Variants in DENND1B observed in about 807,000 individuals in gnomAD.
The protein encoded by DENND1B is DENN domain-containing protein 1B.
A neutral mutation model predicts 90.1 loss-of-function variants in DENND1B; 59 were observed. The observed-to-expected ratio is 0.65, with a 90% CI of 0.53 to 0.81. DENND1B has a LOEUF of 0.81. Ranked by LOEUF, DENND1B falls within the 40% of genes least tolerant of loss-of-function variation. The pLI is 0.00. For missense variants in DENND1B, 862 were observed against 912.6 expected, an observed-to-expected ratio of 0.94 and a Z score of 0.71; for synonymous variants, 337 against 324.6, an observed-to-expected ratio of 1.04 and a Z score of -0.41.
At chr1:197,580,028 C>T (rs570238812) in intron 15 of DENND1B, among the ~76,000 whole-genome samples, 1 of 150,030 alleles carries the variant, frequency 6.7e-6, no homozygotes, top group Admixed American at 6.6e-5. Flanking sequence ...TTTCTGCTAG[C>T]TCTCATTTAT....
intron 15 of DENND1B, among the ~76,000 whole-genome samples, chr1:197,573,313 G>A (rs1435198398): frequency 6.6e-6 from 1 of 151,968 alleles, no homozygotes; most frequent in Non-Finnish European, 1.5e-5. Context: ...TGCTTTGAAT[G>A]TGTCCCAGAG....
intron 21 of DENND1B, among the ~76,000 whole-genome samples, chr1:197,512,485 A>C (rs568866648): frequency 7.8e-4 from 119 of 151,824 alleles, no homozygotes; most frequent in Non-Finnish European, 1.5e-3. Flanking sequence ...ATCTTCTGAT[A>C]TCACCATAGA....
At chr1:197,631,192 C>G (rs1679291986) in intron 10 of DENND1B, among the ~76,000 whole-genome samples, 1 of 152,086 alleles carries the variant, frequency 6.6e-6, no homozygotes, top group Non-Finnish European at 1.5e-5. Flanking sequence ...TATCTAAACT[C>G]TACATTCTGG....
chr1:197,738,758 C>T (rs1352288512), intron 2 of DENND1B, among the ~76,000 whole-genome samples: 1 of 152,172 alleles, frequency 6.6e-6, no homozygotes, highest in African/African-American at 2.4e-5. Flanking sequence ...TCTCTAACAA[C>T]TAAAAATCTA....
chr1:197,694,511 C>T (rs954661145), intron 3 of DENND1B, among the ~76,000 whole-genome samples: 3 of 151,180 alleles, frequency 2.0e-5, no homozygotes, highest in South Asian at 2.1e-4. Flanking sequence ...TTTTTTCTCC[C>T]GACTTCAGGA....
rs577966380 is a variant in DENND1B at position 197,662,570 on chromosome 1, T to TA, written c.297-4202dup. On this transcript the variant is annotated intron_variant, in intron 5 of 22. Transcript: ENST00000620048. ...GTATTTCTATATAGCGAGCCTTTTT[T>TA]AAAAAATATATACTTTAAGTTCTAG... Among the ~76,000 whole-genome samples, 314 of 152,098 alleles carry TA rather than the reference T, an allele frequency of 2.1e-3. 1 individual carries two copies. Among genetic ancestry groups the TA allele is most frequent in the African/African-American group, 7.4e-3 (307 of 41,516 alleles).
chr1:197,747,472 G>A (rs578157327), intron 2 of DENND1B: 16 of 287,246 alleles, frequency 5.6e-5, no homozygotes, highest in South Asian at 4.3e-4. Context: ...GTCAGGAAGC[G>A]GTCACCTGGC....
chr1:197,655,421 C>T (rs1048334031), intron 6 of DENND1B, among the ~76,000 whole-genome samples: 2 of 152,148 alleles, frequency 1.3e-5, no homozygotes, highest in Non-Finnish European at 2.9e-5. Context: ...AGTGTAAATG[C>T]TCTTGAAACC....
intron 15 of DENND1B, among the ~76,000 whole-genome samples, chr1:197,572,661 G>C (rs571513722): frequency 3.3e-5 from 5 of 152,264 alleles, no homozygotes; most frequent in African/African-American, 1.2e-4. Flanking sequence ...CTCCCAGTAG[G>C]GGCTAACAGA....
chr1:197,768,152 TTCCTCCTCCTCCTCTTCGTCG>T (rs540003757), intron 2 of DENND1B, among the ~76,000 whole-genome samples: 157 of 151,442 alleles, frequency 1.0e-3, no homozygotes, highest in African/African-American at 3.8e-3. Context: ...CCACCTCCTT[TTCCTCCTCCTCCTCTTCGTCG>T]TCCTCCTCCT....
chr1:197,720,051 G>A (rs535805234), intron 2 of DENND1B, among the ~76,000 whole-genome samples: 75 of 152,194 alleles, frequency 4.9e-4, no homozygotes, highest in Non-Finnish European at 8.1e-4. Flanking sequence ...CAATTTCCTT[G>A]TCTCTTTCTC....
At chr1:197,552,673 T>C (rs987972954) in intron 16 of DENND1B, 55 of 1,043,184 alleles carry the variant, frequency 5.3e-5, no homozygotes, top group Non-Finnish European at 6.3e-5. Flanking sequence ...TCATACTCAG[T>C]AATAACCATC....
At position 197,509,163 on chromosome 1, in the gene DENND1B, C is replaced by T. The variant is rs904793235; in HGVS notation, c.*1297G>A. On this transcript the variant is annotated 3_prime_UTR_variant, in exon 23 of 23. Coordinates refer to ENST00000620048, the MANE Select transcript of DENND1B (RefSeq NM_001195215.2). ...TGGCACTTTACTTCTGTGATCATCT[C>T]CTCAAAACCCACAATCCCAGTCTAA... The T allele has an allele frequency of 1.3e-5, 2 of 151,672 alleles. No individual in the cohort carries two copies. The highest frequency in any genetic ancestry group is 2.9e-5 in the Non-Finnish European group (2 of 67,818). 9.4% of individuals were successfully genotyped at this position (151,672 alleles called of 1,614,324 possible). A position where few individuals can be genotyped will look rare whatever the true frequency, so the allele number is the denominator to read the frequency against.
chr1:197,620,677 C>T (rs1476833701), intron 10 of DENND1B, among the ~76,000 whole-genome samples: 2 of 151,268 alleles, frequency 1.3e-5, no homozygotes, highest in South Asian at 2.1e-4. Flanking sequence ...AATTATGCAA[C>T]TGAAAATATT....
At chr1:197,577,436 G>A (rs1323413630) in intron 15 of DENND1B, among the ~76,000 whole-genome samples, 1 of 152,164 alleles carries the variant, frequency 6.6e-6, no homozygotes, top group Non-Finnish European at 1.5e-5. Context: ...CACTCTGTTG[G>A]ATAGAAAAGT....
intron 10 of DENND1B, among the ~76,000 whole-genome samples, chr1:197,628,836 A>T (rs1272282198): frequency 6.6e-6 from 1 of 152,002 alleles, no homozygotes; most frequent in Non-Finnish European, 1.5e-5. Context: ...ACAAGAAAAA[A>T]ACAAACAACC....
chr1:197,761,925 T>G (rs1571658747), intron 2 of DENND1B: 1 of 151,344 alleles, frequency 6.6e-6, no homozygotes, highest in East Asian at 1.9e-4. Context: ...AAAAAAAAAG[T>G]TTTTTTTAAA....
intron 15 of DENND1B, among the ~76,000 whole-genome samples, chr1:197,557,186 T>G (rs1202718567): frequency 6.6e-6 from 1 of 152,008 alleles, no homozygotes; most frequent in Non-Finnish European, 1.5e-5. Flanking sequence ...TAACACAGTA[T>G]TATAAATCAA....
At chr1:197,589,893 C>T (rs1675035404) in intron 14 of DENND1B, among the ~76,000 whole-genome samples, 1 of 152,154 alleles carries the variant, frequency 6.6e-6, no homozygotes, top group African/African-American at 2.4e-5. Flanking sequence ...CTTCTGTGCT[C>T]TCAGGCAGGA....
Sources: gnomAD v4.1 joint callset for allele counts (sites outside exome capture counted in the v4.1 genomes callset) on GRCh38, gnomAD v4.1.1 for gene constraint, MANE v1.5 for transcripts, NCBI Gene and HGNC (gene_info 2026-07-23, HGNC 2026-07-21) for gene names.